RUVBL1: variants seen among roughly 807,000 people sequenced by gnomAD.
RUVBL1 encodes RuvB like AAA ATPase 1.
RUVBL1 carries 4 observed loss-of-function variants against 52.4 expected under a neutral mutation model. The ratio of observed to expected loss-of-function variants is 0.08; its 90% CI spans 0.04 to 0.17. The LOEUF is 0.17. Ranked by LOEUF, RUVBL1 falls within the 10% of genes least tolerant of loss-of-function variation. The pLI is 1.00. For missense variants in RUVBL1, 298 were observed against 572.8 expected (o/e 0.52, Z 4.90); for synonymous variants, 217 against 214.4 (o/e 1.01, Z -0.10).
At chr3:128,092,185 T>C (rs1942858007) in intron 8 of RUVBL1, among the ~76,000 whole-genome samples, 1 of 152,220 alleles carries the variant, frequency 6.6e-6, no homozygotes, top group South Asian at 2.1e-4. Flanking sequence ...CCCTTACTTA[T>C]GCCCTACATG....
chr3:128,132,374 G>A (rs902529306), intron 1 of RUVBL1, among the ~76,000 whole-genome samples: 9 of 152,302 alleles, frequency 5.9e-5, no homozygotes, highest in South Asian at 2.1e-4. Context: ...GCCAGTGAAC[G>A]TGGGGTGCAT....
chr3:128,142,215 G>A (rs34817706), intron 1 of RUVBL1, among the ~76,000 whole-genome samples: 21,087 of 152,212 alleles, frequency 0.14, 1,655 homozygotes, highest in African/African-American at 0.2. Flanking sequence ...GAACGTGGCC[G>A]AGCCTGGAGC....
Position 128,099,020 on chromosome 3 carries a change from T to C in RUVBL1, c.754-75A>G. The C allele has an allele frequency of 4.1e-6, 5 of 1,229,042 alleles. No homozygotes were observed. The South Asian group carries it at 6.0e-5, about 15-fold the overall frequency. 76.1% of individuals were successfully genotyped at this position (1,229,042 alleles called of 1,614,324 possible). On this transcript the variant is annotated intron_variant, in intron 6 of 10. Coordinates refer to ENST00000322623, the MANE Select transcript of RUVBL1 (RefSeq NM_003707.3). ...GAAGCCTCATCCCCCTGCATCCCACTCATCAACTCAACATGGGATCCTGAG... is the reference window on the plus strand; with the variant it reads ...GAAGCCTCATCCCCCTGCATCCCACCCATCAACTCAACATGGGATCCTGAG...
rs1474329995 is a variant in RUVBL1, at chr3:128,081,379, G to A, written c.1242C>T (p.Asn414=). The A allele has an allele frequency of 1.2e-6, 2 of 1,614,070 alleles. No homozygotes were observed. Among genetic ancestry groups the A allele is most frequent in the Non-Finnish European group, 1.7e-6 (2 of 1,180,016 alleles). ...CCTTCCCGTTGATTTTAGCAAGCAA[G>A]TTGGCCGGGGTCAGCAGCTGCACTG... ...RYSVQLLTPA[N]LLAKINGKDS... is the part of the protein sequence containing the mutation. Residue 414 remains asparagine (N), a synonymous_variant, in exon 11 of 11, where the codon AAC becomes AAT. Transcript: ENST00000322623. The surrounding 1 kb of genome is among the most constrained non-coding windows in gnomAD (Gnocchi z 4.8).
intron 1 of RUVBL1, among the ~76,000 whole-genome samples, chr3:128,129,156 A>G (rs999959666): frequency 2.0e-5 from 3 of 152,202 alleles, no homozygotes; most frequent in Non-Finnish European, 2.9e-5. Flanking sequence ...TGCTATCTCA[A>G]AAGTCCAGGG....
chr3:128,069,588 A>G (rs1559800207), intron 9 of RUVBL1: 2 of 1,614,100 alleles, frequency 1.2e-6, no homozygotes, highest in African/African-American at 1.3e-5. Context: ...CGCAGTCACA[A>G]TCATCTACCA....
intron 2 of RUVBL1, 136 bp downstream of exon 2, chr3:128,119,192 T>A (rs1943588885): frequency 1.7e-6 from 1 of 580,886 alleles, no homozygotes. Context: ...CCAATTGTAT[T>A]ATTGCATATT....
At chr3:128,108,269 A>G (rs534057410) in intron 3 of RUVBL1, among the ~76,000 whole-genome samples, 2 of 152,188 alleles carry the variant, frequency 1.3e-5, no homozygotes, top group South Asian at 4.1e-4. Context: ...CTTTTTGAAG[A>G]TAGTCAATGG....
intron 9 of RUVBL1, among the ~76,000 whole-genome samples, chr3:128,087,336 C>G (rs534725268): frequency 2.6e-4 from 39 of 152,356 alleles, no homozygotes; most frequent in African/African-American, 8.2e-4. Flanking sequence ...CACCAAAAGG[C>G]TATCACTAAA....
chr3:128,146,433 C>T (rs559640520), intron 1 of RUVBL1, among the ~76,000 whole-genome samples: 5 of 143,446 alleles, frequency 3.5e-5, no homozygotes, highest in African/African-American at 7.9e-5. Context: ...TGCGTGTGCA[C>T]GGGCGTGTGC....
upstream of RUVBL1, among the ~76,000 whole-genome samples, chr3:128,126,575 C>T (rs937766223): frequency 6.6e-6 from 1 of 152,092 alleles, no homozygotes; most frequent in African/African-American, 2.4e-5. Flanking sequence ...TTGATCTGGC[C>T]TAGCATTCTC....
At chr3:128,116,275 T>C (rs1035638871) in intron 2 of RUVBL1, among the ~76,000 whole-genome samples, 5 of 151,988 alleles carry the variant, frequency 3.3e-5, no homozygotes, top group Non-Finnish European at 5.9e-5. Context: ...GCACAGTGGC[T>C]CACGCCTGTA....
At chr3:128,085,413 C>T (rs1452530209) in intron 9 of RUVBL1, among the ~76,000 whole-genome samples, 15 of 152,182 alleles carry the variant, frequency 9.9e-5, no homozygotes, top group South Asian at 2.1e-4. Flanking sequence ...TGCTATGTCC[C>T]GCAGTAAGAA....
At chr3:128,121,406 A>G (rs888648673) in intron 1 of RUVBL1, among the ~76,000 whole-genome samples, 3 of 150,468 alleles carry the variant, frequency 2.0e-5, no homozygotes, top group Non-Finnish European at 4.4e-5. Flanking sequence ...CAGATGCTAT[A>G]TTTCTAAATA....
In RUVBL1 at chr3:128,123,569, G is replaced by A. The variant is rs1471427418; in HGVS notation, c.141+15C>T. On this transcript the variant is annotated intron_variant, in intron 1 of 10. Transcript: ENST00000322623. Reference sequence around the variant, plus strand: ...CCTGCTTGCAGCCCCCAACTCCCTGGTCCACTGGCCACACCTCTCGCGCGT... The same window carrying A: ...CCTGCTTGCAGCCCCCAACTCCCTGATCCACTGGCCACACCTCTCGCGCGT... The A allele has an allele frequency of 1.9e-6, 3 of 1,588,548 alleles. No individual in the cohort carries two copies. Among genetic ancestry groups the A allele is most frequent in the Non-Finnish European group, 2.6e-6 (3 of 1,164,532 alleles).
chr3:128,073,357 A>G (rs1228916070), intron 9 of RUVBL1, among the ~76,000 whole-genome samples: 1 of 151,984 alleles, frequency 6.6e-6, no homozygotes, highest in Non-Finnish European at 1.5e-5. Context: ...CCCCGCCCCC[A>G]GCCTGCTCCT....
chr3:128,150,580 T>A (rs1301996412), intron 1 of RUVBL1, among the ~76,000 whole-genome samples: 1 of 142,522 alleles, frequency 7.0e-6, no homozygotes, highest in Non-Finnish European at 1.5e-5. Context: ...ATATATATAT[T>A]CCACAGAATA....
rs1941926653 is a variant in RUVBL1 at position 128,065,169 on chromosome 3, G to A, written c.*43C>T. ...TTGAAACGATGAGATGGTATTTGAAGGCAGCAGGTTTCCAGATGAGCTGGA... is the reference window on the plus strand; with the variant it reads ...TTGAAACGATGAGATGGTATTTGAAAGCAGCAGGTTTCCAGATGAGCTGGA... On this transcript the variant is annotated 3_prime_UTR_variant, in exon 10 of 10. Coordinates refer to the RUVBL1 transcript ENST00000464873. 3 of 1,048,432 alleles carry A rather than the reference G, an allele frequency of 2.9e-6. No homozygotes were observed. The African/African-American group carries it at 4.7e-5, about 16-fold the overall frequency. The allele number at this position is 1,048,432 out of a possible 1,614,324, so 64.9% of individuals were successfully genotyped here.
At chr3:128,153,078 C>CT in intron 1 of RUVBL1, 1 of 360,886 alleles carries the variant, frequency 2.8e-6, no homozygotes, top group Non-Finnish European at 3.8e-6. Flanking sequence ...TGATTGGCTT[C>CT]TTTTAGGATC....
Sources: allele counts gnomAD v4.1 joint callset (sites outside exome capture counted in the v4.1 genomes callset), GRCh38; gene constraint gnomAD v4.1.1; non-coding constraint Gnocchi (gnomAD v3.1); transcripts MANE v1.5; gene names NCBI Gene and HGNC (gene_info 2026-07-23, HGNC 2026-07-21).